The following GPC5 variants were observed in gnomAD, a reference collection of about 807,000 sequenced individuals.
GPC5 encodes the protein glypican 5, also known as glypican-5.
GPC5 carries 47 observed loss-of-function variants against 53.9 expected under a neutral mutation model. That is an observed-to-expected ratio of 0.87 (90% confidence interval 0.69 to 1.11). The LOEUF (loss-of-function observed/expected upper bound fraction) is 1.11, where lower values mean the gene tolerates loss of function less well. Ranked by LOEUF, GPC5 falls within the 50% of genes most tolerant of loss-of-function variation. GPC5 has a pLI of 0.00. For missense variants in GPC5, 748 were observed against 713.1 expected (o/e 1.05, Z -0.56); for synonymous variants, 286 against 263.3 (o/e 1.09, Z -0.84).
intron 6 of GPC5, among the ~76,000 whole-genome samples, chr13:91,983,910 C>A (rs2040383790): frequency 6.6e-6 from 1 of 152,188 alleles, no homozygotes. Flanking sequence ...ATAAATCAGA[C>A]ACTCTGCTCT....
intron 7 of GPC5, among the ~76,000 whole-genome samples, chr13:92,564,579 A>T (rs1027805201): frequency 3.3e-5 from 5 of 151,894 alleles, no homozygotes; most frequent in Admixed American, 2.0e-4. Context: ...ACGTGGGTAT[A>T]TTGTAGGACA....
At chr13:91,685,313 A>G (rs1188958994) in intron 2 of GPC5, among the ~76,000 whole-genome samples, 1 of 152,218 alleles carries the variant, frequency 6.6e-6, no homozygotes, top group Non-Finnish European at 1.5e-5. Flanking sequence ...TCAGAATAAA[A>G]TAAAATAGCC....
intron 7 of GPC5, among the ~76,000 whole-genome samples, chr13:92,274,513 C>A (rs1036669161): frequency 1.3e-5 from 2 of 152,102 alleles, no homozygotes; most frequent in Non-Finnish European, 1.5e-5. Context: ...ACTCCATTCT[C>A]TGGATTTGTG....
intron 7 of GPC5, among the ~76,000 whole-genome samples, chr13:92,336,851 G>A (rs563832792): frequency 1.3e-5 from 2 of 152,286 alleles, no homozygotes; most frequent in South Asian, 4.1e-4. Flanking sequence ...TTAAAAAAGA[G>A]ATGGGAATCT....
chr13:92,539,840 A>G (rs1055519200), intron 7 of GPC5, among the ~76,000 whole-genome samples: 1 of 151,968 alleles, frequency 6.6e-6, no homozygotes, highest in African/African-American at 2.4e-5. Context: ...AAGGATGTAC[A>G]TTGGGGCTAG....
chr13:92,159,316 T>C (rs976603360), intron 7 of GPC5, among the ~76,000 whole-genome samples: 1 of 151,940 alleles, frequency 6.6e-6, no homozygotes, highest in Non-Finnish European at 1.5e-5. Context: ...AAGCAGAGAG[T>C]CACTCCCCAG....
intron 2 of GPC5, among the ~76,000 whole-genome samples, chr13:91,637,834 G>C (rs2034321758): frequency 6.6e-6 from 1 of 152,226 alleles, no homozygotes; most frequent in South Asian, 2.1e-4. Flanking sequence ...AAGACCATGA[G>C]AGTGAGCACA....
At chr13:91,664,864 A>G (rs2035070752) in intron 2 of GPC5, among the ~76,000 whole-genome samples, 3 of 152,268 alleles carry the variant, frequency 2.0e-5, no homozygotes, top group Non-Finnish European at 4.4e-5. Flanking sequence ...ATCCTCTAAG[A>G]TGCAAATCAC....
chr13:92,604,196 A>C (rs946610013), intron 7 of GPC5, among the ~76,000 whole-genome samples: 1 of 152,216 alleles, frequency 6.6e-6, no homozygotes, highest in African/African-American at 2.4e-5. Flanking sequence ...ACAGGAATTC[A>C]CTTCAAGGTA....
chr13:91,436,934 T>C (rs1227080018), intron 1 of GPC5, among the ~76,000 whole-genome samples: 1 of 152,216 alleles, frequency 6.6e-6, no homozygotes, highest in Non-Finnish European at 1.5e-5. Flanking sequence ...CCCTTTACCA[T>C]TATGTAATGG....
At chr13:92,312,338 A>T (rs1184874565) in intron 7 of GPC5, among the ~76,000 whole-genome samples, 1 of 152,184 alleles carries the variant, frequency 6.6e-6, no homozygotes, top group East Asian at 1.9e-4. Context: ...GTGGGGGGAA[A>T]AAAAACAAGT....
At chr13:91,433,317 A>G (rs559489128) in intron 1 of GPC5, among the ~76,000 whole-genome samples, 4 of 151,284 alleles carry the variant, frequency 2.6e-5, no homozygotes, top group Admixed American at 1.3e-4. Flanking sequence ...GTCATTTAAC[A>G]TTAGGTATAT....
intron 7 of GPC5, among the ~76,000 whole-genome samples, chr13:92,201,467 CA>C (rs11335277): frequency 0.022 from 3,283 of 152,174 alleles, 110 homozygotes; most frequent in African/African-American, 0.073. Context: ...AGCATGAAAA[CA>C]AAAAAATACA....
chr13:92,413,456 A>C (rs1876136762), intron 7 of GPC5, among the ~76,000 whole-genome samples: 1 of 152,222 alleles, frequency 6.6e-6, no homozygotes, highest in Admixed American at 6.5e-5. Context: ...TATTATAAGA[A>C]CAATGTGTAC....
intron 7 of GPC5, among the ~76,000 whole-genome samples, chr13:92,419,625 T>C (rs758284545): frequency 1.3e-4 from 20 of 152,174 alleles, no homozygotes; most frequent in Non-Finnish European, 1.5e-4. Context: ...AATGAGTCAT[T>C]TGATTCTTAA....
chr13:91,693,125 A>G lies in GPC5; in HGVS notation c.326-62A>G, dbSNP rs574459528. On this transcript the variant is annotated intron_variant, in intron 2 of 7. Transcript: ENST00000377067. ...TGATGAGTCATTTAATGTCTGGAGCAGATGGACGGTGTTAGCATGAATACT... is the reference window on the plus strand; with the variant it reads ...TGATGAGTCATTTAATGTCTGGAGCGGATGGACGGTGTTAGCATGAATACT... 8.2e-4 allele frequency: 948 copies of G among 1,162,398 alleles called. 1 individual carries two copies. Among genetic ancestry groups the G allele is most frequent in the Non-Finnish European group, 1.0e-3 (833 of 803,592 alleles). 72.0% of individuals were successfully genotyped at this position (1,162,398 alleles called of 1,614,324 possible). A position where few individuals can be genotyped will look rare whatever the true frequency, so the allele number is the denominator to read the frequency against.
chr13:92,352,900 A>G (rs9516063), intron 7 of GPC5, among the ~76,000 whole-genome samples: 74,943 of 152,060 alleles, frequency 0.49, 20,674 homozygotes, highest in African/African-American at 0.76. Flanking sequence ...AATAAGAGTG[A>G]AGGATAATGG....
chr13:92,300,394 T>C (rs1244754205), intron 7 of GPC5, among the ~76,000 whole-genome samples: 1 of 152,190 alleles, frequency 6.6e-6, no homozygotes, highest in Non-Finnish European at 1.5e-5. Context: ...GCATAGATTT[T>C]AGGCTCCATC....
In GPC5 at chr13:92,046,901, C is replaced by T. The variant is rs75406123; in HGVS notation, c.1402-97929C>T. ...ATTTTCTTAAATGCCTATATGATACCATTGAATGTTTTAAAATCACTAATG... is the reference window on the plus strand; with the variant it reads ...ATTTTCTTAAATGCCTATATGATACTATTGAATGTTTTAAAATCACTAATG... On this transcript the variant is annotated intron_variant, in intron 6 of 7. Coordinates refer to ENST00000377067, the MANE Select transcript of GPC5 (RefSeq NM_004466.6). Among the ~76,000 whole-genome samples the T allele has an allele frequency of 5.5e-3, 843 of 152,188 alleles. 13 individuals are homozygous for T. The highest frequency in any genetic ancestry group is 0.019 in the African/African-American group (807 of 41,524).
Sources: allele counts gnomAD v4.1 joint callset (sites outside exome capture counted in the v4.1 genomes callset), GRCh38; gene constraint gnomAD v4.1.1; transcripts MANE v1.5; gene names NCBI Gene and HGNC (gene_info 2026-07-23, HGNC 2026-07-21).